The following DPP10 variants were observed in gnomAD, a reference collection of about 807,000 sequenced individuals.
DPP10 encodes the protein inactive dipeptidyl peptidase 10.
Under a neutral mutation model 120.9 loss-of-function variants are expected in DPP10, and 33 were observed. The observed-to-expected ratio is 0.27, with a 90% CI of 0.21 to 0.37. DPP10 has a LOEUF of 0.37. Ranked by LOEUF, DPP10 falls within the 10% of genes least tolerant of loss-of-function variation. The pLI is 1.00. For missense variants in DPP10, 816 were observed against 942.8 expected (o/e 0.87, Z 1.76); for synonymous variants, 337 against 326.1 (o/e 1.03, Z -0.36).
At chr2:115,509,455 C>T (rs541108527) in intron 4 of DPP10, among the ~76,000 whole-genome samples, 1 of 152,028 alleles carries the variant, frequency 6.6e-6, no homozygotes, top group African/African-American at 2.4e-5. Flanking sequence ...CAGGTTTGAG[C>T]GTATGGTTGG....
At position 115,532,260 on chromosome 2, in the gene DPP10, A is replaced by G. The variant is rs554788557; in HGVS notation, c.441+6288A>G. Among the ~76,000 whole-genome samples, 4 of 152,212 alleles carry G rather than the reference A, an allele frequency of 2.6e-5. No homozygotes were observed. The South Asian group carries it at 6.2e-4, about 24-fold the overall frequency. On this transcript the variant is annotated intron_variant, in intron 5 of 25. Coordinates refer to ENST00000410059, the MANE Select transcript of DPP10 (RefSeq NM_020868.6). ...GTCCCGCTTCTTGGCTGTTTATATC[A>G]TATTTTACAGAGGAGACAGACTTAG...
At chr2:115,729,902 G>A (rs1170979637) in intron 8 of DPP10, among the ~76,000 whole-genome samples, 1 of 152,168 alleles carries the variant, frequency 6.6e-6, no homozygotes. Context: ...CTAAGCAGAT[G>A]TAACAATTTG....
intron 3 of DPP10, among the ~76,000 whole-genome samples, chr2:115,454,310 A>G (rs1001270223): frequency 1.3e-5 from 2 of 151,746 alleles, no homozygotes; most frequent in African/African-American, 4.8e-5. Context: ...AATATTTTTC[A>G]TAAATGTAGA....
At chr2:115,451,142 C>T (rs2073074630) in intron 3 of DPP10, among the ~76,000 whole-genome samples, 1 of 151,754 alleles carries the variant, frequency 6.6e-6, no homozygotes, top group Non-Finnish European at 1.5e-5. Flanking sequence ...TACTTACAGG[C>T]ATTATTATTA....
chr2:114,982,388 T>A (rs886651561), intron 1 of DPP10, among the ~76,000 whole-genome samples: 2 of 152,074 alleles, frequency 1.3e-5, no homozygotes, highest in African/African-American at 4.8e-5. Context: ...TTTATAATGA[T>A]CTATAAAGAT....
At chr2:114,626,469 A>T (rs1694520567) in intron 1 of DPP10, among the ~76,000 whole-genome samples, 2 of 152,094 alleles carry the variant, frequency 1.3e-5, no homozygotes, top group South Asian at 4.1e-4. Context: ...ACTCAGAGTC[A>T]AATCTTCAAA....
At chr2:115,445,764 C>T (rs1197366049) in intron 3 of DPP10, among the ~76,000 whole-genome samples, 1 of 152,146 alleles carries the variant, frequency 6.6e-6, no homozygotes, top group Non-Finnish European at 1.5e-5. Flanking sequence ...AAGCTAGCTG[C>T]AGAAATTTGC....
At chr2:115,706,368 C>T (rs73946599) in intron 7 of DPP10, among the ~76,000 whole-genome samples, 2,095 of 151,962 alleles carry the variant, frequency 0.014, 55 homozygotes, top group African/African-American at 0.048. Flanking sequence ...ATTTCTGTGG[C>T]ACGTCTTGTT....
At chr2:115,705,970 AG>A (rs1409766314) in intron 7 of DPP10, among the ~76,000 whole-genome samples, 2 of 151,828 alleles carry the variant, frequency 1.3e-5, no homozygotes, top group Admixed American at 6.6e-5. Flanking sequence ...TAAGGGGATA[AG>A]TCTGTTTGGG....
intron 1 of DPP10, among the ~76,000 whole-genome samples, chr2:114,615,792 A>G (rs1324314148): frequency 6.6e-6 from 1 of 152,166 alleles, no homozygotes; most frequent in Non-Finnish European, 1.5e-5. Flanking sequence ...AATTATTTGC[A>G]AGATTCAAAA....
intron 5 of DPP10, among the ~76,000 whole-genome samples, chr2:115,602,320 G>A (rs879393769): frequency 6.6e-6 from 1 of 151,938 alleles, no homozygotes; most frequent in African/African-American, 2.4e-5. Context: ...CATAATGAAT[G>A]GTTTAAAAAA....
intron 5 of DPP10, among the ~76,000 whole-genome samples, chr2:115,637,542 T>C (rs1445052016): frequency 2.6e-5 from 4 of 152,030 alleles, no homozygotes; most frequent in Non-Finnish European, 5.9e-5. Context: ...GAATAAAGAT[T>C]GAGGAATAGG....
chr2:114,674,591 A>G (rs1698552156), intron 1 of DPP10, among the ~76,000 whole-genome samples: 1 of 152,146 alleles, frequency 6.6e-6, no homozygotes, highest in South Asian at 2.1e-4. Context: ...AAACTTTGTC[A>G]TTTTCCTAAA....
At chr2:115,711,008 G>GA (rs796959492) in intron 7 of DPP10, among the ~76,000 whole-genome samples, 60 of 152,104 alleles carry the variant, frequency 3.9e-4, no homozygotes, top group African/African-American at 1.4e-3. Flanking sequence ...AATTCAGTTG[G>GA]AAAAAAATGA....
intron 1 of DPP10, among the ~76,000 whole-genome samples, chr2:114,759,465 C>CTT (rs199772151): frequency 5.5e-5 from 8 of 145,876 alleles, no homozygotes; most frequent in African/African-American, 2.0e-4. Flanking sequence ...TGCTGTAAAT[C>CTT]TTTTTTTTTT....
chr2:115,753,842 T>G (rs914700240), intron 11 of DPP10, among the ~76,000 whole-genome samples: 6 of 152,172 alleles, frequency 3.9e-5, no homozygotes, highest in African/African-American at 1.2e-4. Context: ...AATGTGTCAT[T>G]TTTAAGATTC....
intron 13 of DPP10, among the ~76,000 whole-genome samples, chr2:115,770,960 A>G (rs1681387829): frequency 6.6e-6 from 1 of 152,130 alleles, no homozygotes; most frequent in Non-Finnish European, 1.5e-5. Context: ...TTTTCTTACA[A>G]CATTTAATTG....
At chr2:115,605,708 T>C (rs947018417) in intron 5 of DPP10, among the ~76,000 whole-genome samples, 1 of 152,096 alleles carries the variant, frequency 6.6e-6, no homozygotes. Context: ...ATTTACTCTC[T>C]CTCTCTCTTT....
At chr2:114,494,690 T>C (rs1682348807) in intron 1 of DPP10, among the ~76,000 whole-genome samples, 1 of 152,152 alleles carries the variant, frequency 6.6e-6, no homozygotes, top group Non-Finnish European at 1.5e-5. Context: ...TGACATACCA[T>C]GGCTTTGGAG....
Sources: allele counts gnomAD v4.1 joint callset (sites outside exome capture counted in the v4.1 genomes callset), GRCh38; gene constraint gnomAD v4.1.1; transcripts MANE v1.5; gene names NCBI Gene and HGNC (gene_info 2026-07-23, HGNC 2026-07-21).